ABCG5: variants seen among roughly 807,000 people sequenced by gnomAD.
ABCG5 encodes ATP-binding cassette sub-family G member 5.
A neutral mutation model predicts 64.5 loss-of-function variants in ABCG5; 64 were observed. That is an observed-to-expected ratio of 0.99 (90% confidence interval 0.81 to 1.22). The LOEUF is 1.22. ABCG5 is among the 50% of genes most tolerant of loss of function. The pLI is 0.00. For missense variants in ABCG5, 908 were observed against 829.5 expected (o/e 1.09, Z -1.16); for synonymous variants, 385 against 326.3 (o/e 1.18, Z -1.94).
At chr2:43,809,850 T>A, downstream of ABCG5, 1 of 1,513,432 alleles carries the variant, frequency 6.6e-7, no homozygotes, top group Non-Finnish European at 8.8e-7. Flanking sequence ...TGTGGCAATA[T>A]GTGAAGAAAG....
At chr2:43,809,146 C>G (rs1205001776), downstream of ABCG5, among the ~76,000 whole-genome samples, 9 of 151,964 alleles carry the variant, frequency 5.9e-5, no homozygotes. Flanking sequence ...CACCACCATG[C>G]CTGGATAATT....
Position 43,824,911 on chromosome 2 carries a change from A to C in ABCG5, c.882T>G (p.His294Gln). The C allele has an allele frequency of 6.2e-7, 1 of 1,614,132 alleles. No individual in the cohort carries two copies. ...TACTATAGAAGTCAAAAGGGTTTGAATGTTCAGGACAAGGGTAACCGCAGT... is the reference window on the plus strand; with the variant it reads ...TACTATAGAAGTCAAAAGGGTTTGACTGTTCAGGACAAGGGTAACCGCAGT... The part of the protein sequence containing the change: ...FNDCGYPCPE[H>Q]SNPFDFYMDL... Residue 294 changes from histidine (H) to glutamine (Q), a missense_variant, in exon 7 of 13, where the codon CAT becomes CAG. Coordinates refer to ENST00000405322, the MANE Select transcript of ABCG5 (RefSeq NM_022436.3).
intron 2 of ABCG5, 61 bp downstream of exon 2, chr2:43,837,773 T>A: frequency 6.2e-7 from 1 of 1,608,666 alleles, no homozygotes; most frequent in Non-Finnish European, 8.5e-7. Context: ...TTAATCTGTT[T>A]CTTCAATGTG....
chr2:43,824,303 A>G lies in ABCG5; in HGVS notation c.1034T>C (p.Met345Thr). Residue 345 changes from methionine to threonine, a missense_variant, in exon 8 of 13, where the codon ATG becomes ACG. Transcript: ENST00000405322. ...CATTGGTAACGTTTTCAGGTGTTTC[A>G]TTCTTTCAATATTCTTCAAAGTTTT... The part of the protein sequence containing the change: ...CHKTLKNIER[M>T]KHLKTLPMVP... 2.5e-6 allele frequency: 4 copies of G among 1,614,178 alleles called. No individual in the cohort carries two copies. The highest frequency in any genetic ancestry group is 3.4e-6 in the Non-Finnish European group (4 of 1,180,046).
chr2:43,827,372 T>G (rs1238568627), intron 5 of ABCG5, among the ~76,000 whole-genome samples: 2 of 151,754 alleles, frequency 1.3e-5, no homozygotes, highest in East Asian at 3.9e-4. Flanking sequence ...ACATCTCTCT[T>G]ATTTGCCTTC....
intron 11 of ABCG5, among the ~76,000 whole-genome samples, chr2:43,815,725 G>A (rs1306166672): frequency 6.6e-6 from 1 of 152,152 alleles, no homozygotes; most frequent in African/African-American, 2.4e-5. Flanking sequence ...AAGAGAGGAT[G>A]TGAAGGAACA....
At chr2:43,813,595 C>G (rs563519234) in intron 12 of ABCG5, among the ~76,000 whole-genome samples, 1 of 147,952 alleles carries the variant, frequency 6.8e-6, no homozygotes, top group South Asian at 2.2e-4. Flanking sequence ...GACATTATCA[C>G]TTAAAATTAT....
chr2:43,839,123 G>A, upstream of ABCG5: 2 of 1,551,146 alleles, frequency 1.3e-6, no homozygotes, highest in East Asian at 2.4e-5. Context: ...CTCGGTGAGT[G>A]AGCAATGGGA....
In ABCG5 at chr2:43,838,075, C is replaced by T. The variant is rs903825995; in HGVS notation, c.144-120G>A. ...CAGTAGTCTCCGGACAGGCTCCTAACGTGTTTCAGTCTCTGCGCCCTCCTC... is the reference window on the plus strand; with the variant it reads ...CAGTAGTCTCCGGACAGGCTCCTAATGTGTTTCAGTCTCTGCGCCCTCCTC... On this transcript the variant is annotated intron_variant, in intron 1 of 12. Coordinates refer to ENST00000405322, the MANE Select transcript of ABCG5 (RefSeq NM_022436.3). The surrounding 1 kb of genome is among the most constrained non-coding windows in gnomAD (Gnocchi z 4.2). 1.8e-5 allele frequency: 25 copies of T among 1,397,192 alleles called. No homozygotes were observed. Among genetic ancestry groups the T allele is most frequent in the African/African-American group, 1.6e-4 (11 of 70,336 alleles). 86.5% of individuals were successfully genotyped at this position (1,397,192 alleles called of 1,614,324 possible). A position where few individuals can be genotyped will look rare whatever the true frequency, so the allele number is the denominator to read the frequency against.
At chr2:43,833,444 G>A (rs1286568659) in intron 2 of ABCG5, among the ~76,000 whole-genome samples, 3 of 140,462 alleles carry the variant, frequency 2.1e-5, no homozygotes, top group Non-Finnish European at 3.1e-5. Flanking sequence ...GTGCAGTGGC[G>A]CAGTCTCGGC....
chr2:43,837,699 C>T, intron 2 of ABCG5, 135 bp downstream of exon 2: 2 of 1,191,596 alleles, frequency 1.7e-6, no homozygotes, highest in Non-Finnish European at 2.5e-6. Flanking sequence ...GTAGCAGTTC[C>T]ATTCACAGTC....
At chr2:43,830,680 G>A (rs1191365144) in intron 4 of ABCG5, among the ~76,000 whole-genome samples, 1 of 151,282 alleles carries the variant, frequency 6.6e-6, no homozygotes, top group African/African-American at 2.4e-5. Context: ...CTCTGCTATC[G>A]GGAGTTCTCC....
In ABCG5 at chr2:43,832,057, C is replaced by A. The variant is rs781194036; in HGVS notation, c.292G>T (p.Ala98Ser). 1.3e-5 allele frequency: 21 copies of A among 1,582,228 alleles called. 1 individual carries two copies. In the Middle Eastern group the frequency reaches 1.2e-3, roughly 88 times the overall value. ...SGSGKTTLLD[A>S]MSGRLGRAGT... ...GCGCGCCCCAGCCTCCCGGACATGG[C>A]GTCCAGCAGCGTGGTTTTCCCGGAG... Residue 98 changes from alanine to serine, a missense_variant, in exon 3 of 13, where the codon GCC becomes TCC. Ala to Ser is a moderately conservative substitution (Grantham distance 99). Coordinates refer to ENST00000405322, the MANE Select transcript of ABCG5 (RefSeq NM_022436.3).
downstream of ABCG5, chr2:43,810,126 C>A: frequency 8.3e-6 from 3 of 359,734 alleles, 1 homozygote; most frequent in Middle Eastern, 2.8e-3. Context: ...TAAGTGCCCA[C>A]GTTAGACACA....
rs1180647900 is a variant in ABCG5, at chr2:43,831,937, A to ACG, written c.402+8_402+9dup. Reference sequence around the variant, plus strand: ...GGCGGGGGGGCCAGGGGTGTGGGGGACGCGCCCACCTGCAGGACGTAGGAG... The same window carrying ACG: ...GGCGGGGGGGCCAGGGGTGTGGGGGACGCGCGCCCACCTGCAGGACGTAGGAG... On this transcript the variant is annotated intron_variant, in intron 3 of 12. Coordinates refer to ENST00000405322, the MANE Select transcript of ABCG5 (RefSeq NM_022436.3). 6.5e-7 allele frequency: 1 copy of ACG among 1,547,982 alleles called. No individual in the cohort carries two copies. The highest frequency in any genetic ancestry group is 1.4e-5 in the African/African-American group (1 of 72,980).
At chr2:43,839,171 A>G, upstream of ABCG5, 1 of 1,530,214 alleles carries the variant, frequency 6.5e-7, no homozygotes, top group African/African-American at 1.4e-5. Context: ...GGAGAAATCA[A>G]ACCTTTCTCT....
At chr2:43,828,910 AG>A (rs57726294) in intron 4 of ABCG5, among the ~76,000 whole-genome samples, 55,106 of 151,070 alleles carry the variant, frequency 0.36, 10,871 homozygotes, top group East Asian at 0.81. Flanking sequence ...GGTTGCAGTG[AG>A]GCAAGATGGC....
At chr2:43,813,409 T>C in intron 12 of ABCG5, 100 bp from the exon 13 acceptor site, 1 of 828,406 alleles carries the variant, frequency 1.2e-6, no homozygotes, top group Non-Finnish European at 2.0e-6. Flanking sequence ...TAATGAAAAA[T>C]ACAGGACACT....
At chr2:43,821,612 A>C (rs1667207644) in intron 10 of ABCG5, among the ~76,000 whole-genome samples, 1 of 152,080 alleles carries the variant, frequency 6.6e-6, no homozygotes, top group African/African-American at 2.4e-5. Flanking sequence ...TAAGCAATGG[A>C]AGGTGTGCTG....
Sources: allele counts gnomAD v4.1 joint callset (sites outside exome capture counted in the v4.1 genomes callset), GRCh38; gene constraint gnomAD v4.1.1; non-coding constraint Gnocchi (gnomAD v3.1); transcripts MANE v1.5; gene names NCBI Gene and HGNC (gene_info 2026-07-23, HGNC 2026-07-21).